The following USH2A variants were observed in gnomAD, a reference collection of about 807,000 sequenced individuals.
USH2A encodes the protein Usher syndrome 2A (autosomal recessive, mild).
A neutral mutation model predicts 538.9 loss-of-function variants in USH2A; 443 were observed. The observed-to-expected ratio is 0.82, with a 90% confidence interval of 0.76 to 0.89. The LOEUF (loss-of-function observed/expected upper bound fraction) is 0.89. Ranked by LOEUF, USH2A falls within the 40% of genes least tolerant of loss-of-function variation. The probability of loss-of-function intolerance (pLI) is 0.00; values close to 1 mark genes in which losing one functional copy is unlikely to be tolerated. For missense variants in USH2A, 6,633 were observed against 6,324.8 expected (o/e 1.05, Z -1.65); for synonymous variants, 2,413 against 2,273.5 (o/e 1.06, Z -1.75).
intron 26 of USH2A, among the ~76,000 whole-genome samples, chr1:216,082,993 A>G (rs2032001363): frequency 6.6e-6 from 1 of 152,142 alleles, no homozygotes; most frequent in Admixed American, 6.6e-5. Flanking sequence ...AAGGAGATGG[A>G]AACAAGATAG....
At chr1:216,354,801 G>C (rs1453335995) in intron 4 of USH2A, among the ~76,000 whole-genome samples, 1 of 151,538 alleles carries the variant, frequency 6.6e-6, no homozygotes, top group African/African-American at 2.4e-5. Context: ...TCTTATTACA[G>C]AAGAAAGAAA....
At chr1:216,219,306 G>C (rs2035407373) in intron 14 of USH2A, among the ~76,000 whole-genome samples, 1 of 152,048 alleles carries the variant, frequency 6.6e-6, no homozygotes, top group African/African-American at 2.4e-5. Context: ...TTCAGTAAGA[G>C]AGAATTTTTC....
chr1:215,627,732 G>T (rs1375053995), intron 71 of USH2A, among the ~76,000 whole-genome samples: 1 of 152,012 alleles, frequency 6.6e-6, no homozygotes, highest in African/African-American at 2.4e-5. Context: ...CACCATGTTG[G>T]TCAGGCTGGT....
At chr1:216,390,307 CAGG>C (rs2039083442) in intron 3 of USH2A, among the ~76,000 whole-genome samples, 1 of 152,092 alleles carries the variant, frequency 6.6e-6, no homozygotes, top group African/African-American at 2.4e-5. Context: ...TTGTATAGAG[CAGG>C]AGATTTAGGC....
chr1:215,779,584 T>C (rs910474042), intron 55 of USH2A, among the ~76,000 whole-genome samples: 3 of 152,310 alleles, frequency 2.0e-5, no homozygotes, highest in South Asian at 2.1e-4. Flanking sequence ...AAAAAGTTAA[T>C]ACTGATGCAA....
At chr1:216,182,540 T>C (rs1397613535) in intron 20 of USH2A, among the ~76,000 whole-genome samples, 5 of 152,050 alleles carry the variant, frequency 3.3e-5, no homozygotes, top group Non-Finnish European at 7.4e-5. Flanking sequence ...TTAAAGTTGG[T>C]GAGTAAAAAG....
intron 61 of USH2A, among the ~76,000 whole-genome samples, chr1:215,686,062 T>C (rs1658415335): frequency 6.6e-6 from 1 of 152,166 alleles, no homozygotes. Context: ...GCTGCCAAAA[T>C]GCTCAGTGCA....
At chr1:216,378,300 A>G (rs920671579) in intron 3 of USH2A, among the ~76,000 whole-genome samples, 1 of 152,204 alleles carries the variant, frequency 6.6e-6, no homozygotes, top group Non-Finnish European at 1.5e-5. Context: ...AATACTGTTC[A>G]GGATCTTTCA....
At chr1:215,710,367 G>A (rs1406961820) in intron 61 of USH2A, among the ~76,000 whole-genome samples, 1 of 152,152 alleles carries the variant, frequency 6.6e-6, no homozygotes, top group African/African-American at 2.4e-5. Flanking sequence ...TCCCCCAACA[G>A]GGTGCAATAA....
chr1:215,786,787 T>A lies in USH2A; in HGVS notation c.10270A>T (p.Ile3424Phe), dbSNP rs1661814058. 1 of 1,613,714 alleles carries A rather than the reference T, an allele frequency of 6.2e-7. No individual in the cohort carries two copies. The highest frequency in any genetic ancestry group is 1.3e-5 in the African/African-American group (1 of 74,878). The change falls in exon 52 of 72, where the codon ATT becomes TTT. Residue 3424 changes from isoleucine to phenylalanine, a missense_variant. Ile to Phe is a conservative substitution (Grantham distance 21, BLOSUM62 0). Transcript: ENST00000307340. ...TGAGACCCTCTTATCACAGTGCAAA[T>A]GTGGCTGGTAAAGTTGAAGTCACAC... ...GRCDFNFTSH[I>F]CTVIRGSHNS... is the part of the protein sequence containing the mutation.
At chr1:215,867,295 C>T in intron 43 of USH2A, 125 bp from the exon 44 acceptor site, 13 of 1,003,912 alleles carry the variant, frequency 1.3e-5, no homozygotes, top group Non-Finnish European at 1.9e-5. Flanking sequence ...ATACTGTTTT[C>T]TTTTCCTCCC....
intron 37 of USH2A, among the ~76,000 whole-genome samples, chr1:215,957,420 CAT>C (rs1194716667): frequency 6.6e-6 from 1 of 152,128 alleles, no homozygotes; most frequent in East Asian, 1.9e-4. Context: ...TGTCAGAAGA[CAT>C]AGTACAATAT....
At chr1:215,686,282 A>C (rs190571664) in intron 61 of USH2A, among the ~76,000 whole-genome samples, 1 of 152,214 alleles carries the variant, frequency 6.6e-6, no homozygotes. Context: ...AGCACCAGAG[A>C]AATACTAAGG....
At chr1:215,967,501 C>A (rs746320491) in intron 36 of USH2A, among the ~76,000 whole-genome samples, 2 of 152,206 alleles carry the variant, frequency 1.3e-5, no homozygotes, top group South Asian at 2.1e-4. Flanking sequence ...TCTTGCAATG[C>A]GCCAGAAATT....
intron 30 of USH2A, among the ~76,000 whole-genome samples, chr1:216,068,682 T>C (rs749266040): frequency 6.6e-6 from 1 of 152,128 alleles, no homozygotes; most frequent in Non-Finnish European, 1.5e-5. Context: ...AAGATTTCTA[T>C]TTTTGATAGG....
intron 3 of USH2A, among the ~76,000 whole-genome samples, chr1:216,385,892 C>T (rs2038995027): frequency 6.6e-6 from 1 of 152,146 alleles, no homozygotes; most frequent in South Asian, 2.1e-4. Context: ...TTCTTCTCTC[C>T]CCATCTCTGC....
intron 47 of USH2A, among the ~76,000 whole-genome samples, chr1:215,831,922 C>G (rs774881904): frequency 1.3e-5 from 2 of 151,744 alleles, no homozygotes; most frequent in African/African-American, 4.8e-5. Context: ...CTAGGCTGAA[C>G]AGAAAAACGG....
chr1:215,785,893 T>C (rs574733953), intron 52 of USH2A, among the ~76,000 whole-genome samples: 35 of 151,304 alleles, frequency 2.3e-4, no homozygotes, highest in Non-Finnish European at 4.6e-4. Context: ...TCAAATTATG[T>C]CACTTAAATG....
Position 216,137,486 on chromosome 1 carries a change from T to TTATTAAG in USH2A, c.4627+37765_4627+37766insCTTAATA, listed in dbSNP as rs112164927. ...TCATGAGAATATCATGTAAAAGAGT[T>TTATTAAG]TATTAACTCATGATCACAGGGTTCC... is the stretch of plus-strand genomic sequence containing the variant. On this transcript the variant is annotated intron_variant, in intron 21 of 71. Coordinates refer to ENST00000307340, the MANE Select transcript of USH2A (RefSeq NM_206933.4). 4.3e-3 allele frequency among the ~76,000 whole-genome samples: 651 copies of TTATTAAG among 152,134 alleles called. 1 individual carries two copies. Among genetic ancestry groups the TTATTAAG allele is most frequent in the African/African-American group, 0.015 (625 of 41,472 alleles).
Sources: gnomAD v4.1 joint callset for allele counts (sites outside exome capture counted in the v4.1 genomes callset) on GRCh38, gnomAD v4.1.1 for gene constraint, MANE v1.5 for transcripts, NCBI Gene and HGNC (gene_info 2026-07-23, HGNC 2026-07-21) for gene names.